Variants in TXLNB observed in about 807,000 individuals in gnomAD.
TXLNB encodes taxilin beta.
Under a neutral mutation model 57.4 loss-of-function variants are expected in TXLNB, and 37 were observed. The observed-to-expected ratio is 0.64, with a 90% CI of 0.50 to 0.85. TXLNB has a LOEUF of 0.85. TXLNB is among the 40% of genes least tolerant of loss of function. TXLNB has a pLI of 0.00. For synonymous variants in TXLNB, 302 were observed against 309.6 expected (o/e 0.98, Z 0.26); for missense variants, 848 against 825.6 (o/e 1.03, Z -0.33).
the TXLNB span, chr6:139,203,692 A>G: frequency 6.6e-6 from 1 of 152,244 alleles, no homozygotes; most frequent in East Asian, 1.9e-4. Flanking sequence ...CCTCAAAGTC[A>G]TCCACACCCA....
the TXLNB span, among the ~76,000 whole-genome samples, chr6:139,222,425 C>G: frequency 1.3e-5 from 2 of 152,094 alleles, no homozygotes; most frequent in Admixed American, 1.3e-4. Flanking sequence ...AATAAAGTGG[C>G]CAATCCAACA....
At chr6:139,285,622 G>T (rs552115498) in intron 2 of TXLNB, among the ~76,000 whole-genome samples, 1 of 145,258 alleles carries the variant, frequency 6.9e-6, no homozygotes, top group Non-Finnish European at 1.5e-5. Flanking sequence ...GGTGAAGTAT[G>T]CTACCTGAAT....
chr6:139,316,926 A>G, the TXLNB span, among the ~76,000 whole-genome samples: 1 of 152,244 alleles, frequency 6.6e-6, no homozygotes, highest in Non-Finnish European at 1.5e-5. Context: ...GTTCAATACT[A>G]GTCATGTACT....
the TXLNB span, among the ~76,000 whole-genome samples, chr6:139,188,292 G>C: frequency 6.6e-6 from 1 of 152,202 alleles, no homozygotes; most frequent in Non-Finnish European, 1.5e-5. Context: ...GAAGAGGGTT[G>C]AGAAAGTTGT....
the TXLNB span, among the ~76,000 whole-genome samples, chr6:139,314,526 A>G: frequency 6.6e-6 from 1 of 152,162 alleles, no homozygotes; most frequent in Non-Finnish European, 1.5e-5. Flanking sequence ...GCTATCTTCT[A>G]TCTCCCTACA....
the TXLNB span, among the ~76,000 whole-genome samples, chr6:139,205,410 T>C: frequency 1.3e-5 from 2 of 152,120 alleles, no homozygotes; most frequent in African/African-American, 4.8e-5. Flanking sequence ...TACGGGCTAC[T>C]TAAAGAAATT....
intron 4 of TXLNB, 76 bp from the exon 5 acceptor site, chr6:139,262,849 A>C (rs1202973755): frequency 6.8e-7 from 1 of 1,472,448 alleles, no homozygotes; most frequent in Non-Finnish European, 9.2e-7. Context: ...CACCTAAAGG[A>C]GATAAGTGTG....
At chr6:139,272,000 G>A (rs1776776248) in intron 3 of TXLNB, 1 of 152,250 alleles carries the variant, frequency 6.6e-6, no homozygotes, top group African/African-American at 2.4e-5. Flanking sequence ...ACGTGCCTCA[G>A]TTTCCCCATT....
At chr6:139,193,491 C>T in the TXLNB span, among the ~76,000 whole-genome samples, 2 of 151,916 alleles carry the variant, frequency 1.3e-5, no homozygotes, top group Non-Finnish European at 2.9e-5. Flanking sequence ...ACATTTTCTC[C>T]CTGTTTCATA....
chr6:139,179,839 A>T, the TXLNB span: 38 of 152,354 alleles, frequency 2.5e-4, no homozygotes, highest in African/African-American at 9.1e-4. Flanking sequence ...TTTTCTGATG[A>T]ATAGTGTTCA....
chr6:139,166,634 G>A, the TXLNB span: 1 of 1,614,170 alleles, frequency 6.2e-7, no homozygotes, highest in Non-Finnish European at 8.5e-7. Context: ...GTCTGGCTCC[G>A]AGAAGAACAC....
At chr6:139,168,198 TC>T in the TXLNB span, among the ~76,000 whole-genome samples, 1 of 152,204 alleles carries the variant, frequency 6.6e-6, no homozygotes, top group African/African-American at 2.4e-5. Flanking sequence ...TTACATATTA[TC>T]TGTTTATTGA....
the TXLNB span, among the ~76,000 whole-genome samples, chr6:139,321,579 T>C: frequency 6.8e-6 from 1 of 147,826 alleles, no homozygotes; most frequent in African/African-American, 2.5e-5. Flanking sequence ...AGACTTCATA[T>C]ACAGAGACTT....
chr6:139,164,080 A>ACTCTCTCTCTCT, the TXLNB span, among the ~76,000 whole-genome samples: 45 of 148,168 alleles, frequency 3.0e-4, no homozygotes, highest in South Asian at 1.3e-3. Flanking sequence ...ACACACACAC[A>ACTCTCTCTCTCT]CTCTCTCTCT....
the TXLNB span, among the ~76,000 whole-genome samples, chr6:139,206,178 T>C: frequency 6.6e-6 from 1 of 152,186 alleles, no homozygotes. Flanking sequence ...TAAAAGGGCT[T>C]CTAAGTCTTG....
chr6:139,212,054 G>T, the TXLNB span, among the ~76,000 whole-genome samples: 2 of 152,176 alleles, frequency 1.3e-5, no homozygotes, highest in Non-Finnish European at 2.9e-5. Flanking sequence ...AAAACACTCT[G>T]CAGGATATTA....
the TXLNB span, chr6:139,197,686 A>G: frequency 1.3e-5 from 2 of 152,226 alleles, no homozygotes; most frequent in African/African-American, 4.8e-5. Flanking sequence ...TTGTGCTGCT[A>G]TCACAGAATA....
the TXLNB span, among the ~76,000 whole-genome samples, chr6:139,189,008 C>T: frequency 1.3e-5 from 2 of 152,248 alleles, no homozygotes; most frequent in Non-Finnish European, 2.9e-5. Flanking sequence ...CCACCCACCT[C>T]AGCCTCTCAA....
chr6:139,239,836 T>A (rs1455819981), downstream of TXLNB, among the ~76,000 whole-genome samples: 1 of 149,868 alleles, frequency 6.7e-6, no homozygotes, highest in Non-Finnish European at 1.5e-5. This position sits in a 1 kb window ranked among gnomAD's most constrained non-coding sequence, Gnocchi z 4.7. Context: ...TATTTCTCCC[T>A]CCCTTTCTCT....
Sources: allele counts gnomAD v4.1 joint callset (sites outside exome capture counted in the v4.1 genomes callset), GRCh38; gene constraint gnomAD v4.1.1; non-coding constraint Gnocchi (gnomAD v3.1); transcripts MANE v1.5; gene names NCBI Gene and HGNC (gene_info 2026-07-23, HGNC 2026-07-21).